Variants in NDUFA12 observed in about 807,000 individuals in gnomAD.
The protein encoded by NDUFA12 is NADH:ubiquinone oxidoreductase subunit A12.
A neutral mutation model predicts 20.3 loss-of-function variants in NDUFA12; 17 were observed. That is an observed-to-expected ratio of 0.84 (90% CI 0.57 to 1.26). The LOEUF (loss-of-function observed/expected upper bound fraction) is 1.26, where lower values mean the gene tolerates loss of function less well. Ranked by LOEUF, NDUFA12 falls within the 50% of genes most tolerant of loss-of-function variation. The pLI is 0.00. For missense variants in NDUFA12, 191 were observed against 183.7 expected, an observed-to-expected ratio of 1.04 and a Z score of -0.23; for synonymous variants, 72 against 63.6, an observed-to-expected ratio of 1.13 and a Z score of -0.63.
intron 3 of NDUFA12, among the ~76,000 whole-genome samples, chr12:94,979,646 C>A (rs1200131459): frequency 6.7e-6 from 1 of 148,974 alleles, no homozygotes; most frequent in Non-Finnish European, 1.5e-5. Context: ...GCCTGGCTAA[C>A]ATGGAGAAAC....
At chr12:94,973,214 A>G (rs1873948071) in intron 3 of NDUFA12, among the ~76,000 whole-genome samples, 1 of 152,242 alleles carries the variant, frequency 6.6e-6, no homozygotes, top group South Asian at 2.1e-4. Context: ...GAGATAAAAT[A>G]TGATTACAGT....
chr12:95,003,165 C>A (rs1875119896), intron 1 of NDUFA12, among the ~76,000 whole-genome samples: 1 of 152,206 alleles, frequency 6.6e-6, no homozygotes, highest in African/African-American at 2.4e-5. Flanking sequence ...CACTCTGGGT[C>A]TCCATTTAGG....
At chr12:94,993,626 A>T (rs835038) in intron 3 of NDUFA12, among the ~76,000 whole-genome samples, 6 of 50,884 alleles carry the variant, frequency 1.2e-4, no homozygotes, top group Admixed American at 2.0e-4. Flanking sequence ...CTCTGTCTCA[A>T]AAAAAAAAAA....
chr12:94,995,936 C>T (rs887672787), intron 2 of NDUFA12, among the ~76,000 whole-genome samples: 6 of 151,044 alleles, frequency 4.0e-5, no homozygotes, highest in South Asian at 2.1e-4. Context: ...TGGCTGGGCA[C>T]GGTGGCTCAC....
intron 3 of NDUFA12, among the ~76,000 whole-genome samples, chr12:94,985,823 A>T (rs1404113910): frequency 6.6e-6 from 1 of 150,614 alleles, no homozygotes; most frequent in Non-Finnish European, 1.5e-5. Flanking sequence ...AGTGGCTCAC[A>T]CCTGTAATCC....
chr12:94,982,442 T>A (rs1036188461), intron 3 of NDUFA12, among the ~76,000 whole-genome samples: 2 of 151,584 alleles, frequency 1.3e-5, no homozygotes, highest in African/African-American at 4.8e-5. Context: ...CCCGGCTAAT[T>A]TTTTTTTGTA....
At chr12:94,984,522 C>T (rs193063689) in intron 3 of NDUFA12, among the ~76,000 whole-genome samples, 17 of 151,508 alleles carry the variant, frequency 1.1e-4, no homozygotes, top group Non-Finnish European at 2.4e-4. Context: ...AAGAGTGAAA[C>T]TCCGTCTCCA....
chr12:94,984,829 T>C (rs1874364187), intron 3 of NDUFA12, among the ~76,000 whole-genome samples: 1 of 146,754 alleles, frequency 6.8e-6, no homozygotes, highest in African/African-American at 2.5e-5. Flanking sequence ...AATACAAAAA[T>C]TAGCTGGGCG....
intron 2 of NDUFA12, among the ~76,000 whole-genome samples, chr12:95,000,008 A>C (rs963758603): frequency 6.6e-6 from 1 of 152,248 alleles, no homozygotes; most frequent in African/African-American, 2.4e-5. Flanking sequence ...TCATTACATG[A>C]AAAAGACACA....
At chr12:94,984,385 G>A (rs1874340382) in intron 3 of NDUFA12, among the ~76,000 whole-genome samples, 1 of 152,062 alleles carries the variant, frequency 6.6e-6, no homozygotes, top group African/African-American at 2.4e-5. Context: ...CACTTTGGGA[G>A]GCCAAGGTGG....
intron 2 of NDUFA12, among the ~76,000 whole-genome samples, chr12:94,995,099 T>C (rs1014637832): frequency 2.6e-5 from 4 of 152,184 alleles, no homozygotes; most frequent in South Asian, 2.1e-4. Flanking sequence ...TACCTGCCAA[T>C]AGGGAACACT....
intron 3 of NDUFA12, 176 bp from the exon 4 acceptor site, chr12:94,971,796 C>T (rs1873895602): frequency 1.3e-6 from 1 of 790,346 alleles, no homozygotes; most frequent in Admixed American, 1.7e-5. Flanking sequence ...ATCCCTACTC[C>T]TCAGGGATGG....
intron 2 of NDUFA12, among the ~76,000 whole-genome samples, chr12:95,001,590 T>C (rs1478760530): frequency 1.3e-5 from 2 of 152,102 alleles, no homozygotes; most frequent in Admixed American, 6.6e-5. Flanking sequence ...ATCGAGTCAC[T>C]GCACTCTAGA....
chr12:94,996,952 C>T (rs1464577597), intron 2 of NDUFA12: 1 of 398,362 alleles, frequency 2.5e-6, no homozygotes, highest in Non-Finnish European at 4.9e-6. Context: ...GGTAAAGATA[C>T]TTCCTTGGGC....
At position 94,996,362 on chromosome 12, in the gene NDUFA12, A is replaced by G. The variant is rs533548722; in HGVS notation, c.170-2105T>C. On this transcript the variant is annotated intron_variant, in intron 2 of 3. Transcript: ENST00000327772. ...ACACACACACACACACACACACGAG[A>G]TGGGGGTCTCTATGTTGCCCAGGCT... is the stretch of plus-strand genomic sequence containing the variant. Among the ~76,000 whole-genome samples, 686 of 106,734 alleles carry G rather than the reference A, an allele frequency of 6.4e-3. 8 individuals carry two copies. Among genetic ancestry groups the G allele is most frequent in the Middle Eastern group, 0.058 (12 of 206 alleles). 70.0% of individuals were successfully genotyped at this position (106,734 alleles called of 152,430 possible).
At position 94,984,726 on chromosome 12, in the gene NDUFA12, AC is replaced by A. The variant is rs869209148; in HGVS notation, c.257+9443del. On this transcript the variant is annotated intron_variant, in intron 3 of 3. Coordinates refer to ENST00000327772, the MANE Select transcript of NDUFA12 (RefSeq NM_018838.5). ...TAATGCTAATAGCCAAAAAAAAAAAACAACAAAAAACCCATATATATATAAT... is the reference window on the plus strand; with the variant it reads ...TAATGCTAATAGCCAAAAAAAAAAAAAACAAAAAACCCATATATATATAAT... Among the ~76,000 whole-genome samples the A allele has an allele frequency of 4.6e-4, 42 of 91,894 alleles. 2 individuals are homozygous for A. The highest frequency in any genetic ancestry group is 4.1e-4 in the South Asian group (1 of 2,412). The allele number at this position is 91,894 out of a possible 152,430, so 60.3% of individuals were successfully genotyped here.
intron 3 of NDUFA12, among the ~76,000 whole-genome samples, chr12:94,981,942 G>A (rs74572258): frequency 0.073 from 11,051 of 152,284 alleles, 468 homozygotes; most frequent in Middle Eastern, 0.18. Context: ...CTTTAGACCA[G>A]AGAGATAAAA....
chr12:95,002,157 C>G (rs1241467700), intron 2 of NDUFA12, among the ~76,000 whole-genome samples: 3 of 151,440 alleles, frequency 2.0e-5, no homozygotes, highest in Non-Finnish European at 4.4e-5. Flanking sequence ...GAAAAATACT[C>G]AAGGCTGGAC....
intron 3 of NDUFA12, among the ~76,000 whole-genome samples, chr12:94,985,318 C>T (rs1011130216): frequency 6.6e-6 from 1 of 151,418 alleles, no homozygotes; most frequent in Non-Finnish European, 1.5e-5. Context: ...TAGCGAGACC[C>T]TATCTTTAAA....
Sources: allele counts gnomAD v4.1 joint callset (sites outside exome capture counted in the v4.1 genomes callset), GRCh38; gene constraint gnomAD v4.1.1; transcripts MANE v1.5; gene names NCBI Gene and HGNC (gene_info 2026-07-23, HGNC 2026-07-21).